SEMA6D: variants seen among roughly 807,000 people sequenced by gnomAD.
The protein encoded by SEMA6D is semaphorin 6D.
Under a neutral mutation model 106.6 loss-of-function variants are expected in SEMA6D, and 35 were observed. That is an observed-to-expected ratio of 0.33 (90% CI 0.25 to 0.44). The LOEUF (loss-of-function observed/expected upper bound fraction) is 0.44, where lower values mean the gene tolerates loss of function less well. Ranked by LOEUF, SEMA6D falls within the 20% of genes least tolerant of loss-of-function variation. SEMA6D has a pLI of 1.00. For missense variants in SEMA6D, 1,185 were observed against 1,345.9 expected (o/e 0.88, Z 1.87); for synonymous variants, 499 against 487.7 (o/e 1.02, Z -0.31).
intron 1 of SEMA6D, among the ~76,000 whole-genome samples, chr15:47,744,463 A>T (rs2081003373): frequency 6.6e-6 from 1 of 152,068 alleles, no homozygotes; most frequent in African/African-American, 2.4e-5. Context: ...TAAAAAAGAT[A>T]TTGGACATGA....
chr15:47,468,677 A>G (rs74503024), intron 2 of SEMA6D, among the ~76,000 whole-genome samples: 3,096 of 152,290 alleles, frequency 0.02, 113 homozygotes, highest in African/African-American at 0.071. Context: ...AGGCTGTGCA[A>G]TTATTAAAGC....
intron 1 of SEMA6D, chr15:47,393,219 A>T (rs962950): frequency 0.4 from 61,576 of 152,080 alleles, 13,372 homozygotes; most frequent in African/African-American, 0.58. Flanking sequence ...CATCAAAAAA[A>T]TAAATTGAAA....
chr15:47,313,556 A>C (rs1566990614), intron 1 of SEMA6D, among the ~76,000 whole-genome samples: 1 of 152,088 alleles, frequency 6.6e-6, no homozygotes, highest in African/African-American at 2.4e-5. Context: ...TTTAGCAATT[A>C]TGTTTGTTTG....
intron 3 of SEMA6D, among the ~76,000 whole-genome samples, chr15:47,473,408 G>A (rs1475243049): frequency 6.6e-6 from 1 of 152,102 alleles, no homozygotes; most frequent in African/African-American, 2.4e-5. Flanking sequence ...TGAGCCAAGA[G>A]ACACCAAGGC....
At chr15:47,410,835 A>T (rs1468581530) in intron 1 of SEMA6D, among the ~76,000 whole-genome samples, 1 of 152,222 alleles carries the variant, frequency 6.6e-6, no homozygotes, top group East Asian at 1.9e-4. Context: ...TCAGTCTTTA[A>T]CAAAACTGAC....
At chr15:47,191,229 G>A (rs1893940782) in intron 1 of SEMA6D, among the ~76,000 whole-genome samples, 1 of 152,000 alleles carries the variant, frequency 6.6e-6, no homozygotes, top group South Asian at 2.1e-4. Context: ...GCTTGTGTTT[G>A]TGGTGTGTTT....
intron 1 of SEMA6D, among the ~76,000 whole-genome samples, chr15:47,741,591 C>G (rs1314950459): frequency 6.6e-6 from 1 of 152,116 alleles, no homozygotes; most frequent in African/African-American, 2.4e-5. Context: ...TGGCACATGC[C>G]TGTAATCCCA....
At chr15:47,328,920 A>G (rs2037234369) in intron 1 of SEMA6D, among the ~76,000 whole-genome samples, 1 of 152,200 alleles carries the variant, frequency 6.6e-6, no homozygotes, top group East Asian at 1.9e-4. Flanking sequence ...ATTGGAGTAG[A>G]CTTTCATCAA....
At chr15:47,658,679 G>T (rs1566966328) in intron 4 of SEMA6D, among the ~76,000 whole-genome samples, 1 of 152,130 alleles carries the variant, frequency 6.6e-6, no homozygotes, top group Non-Finnish European at 1.5e-5. Flanking sequence ...TGTCTGTTAT[G>T]ATATCTTACA....
At chr15:47,357,630 T>C (rs2038638309) in intron 1 of SEMA6D, among the ~76,000 whole-genome samples, 1 of 152,092 alleles carries the variant, frequency 6.6e-6, no homozygotes, top group South Asian at 2.1e-4. Context: ...CTTTTCACAT[T>C]CTTCTGCCTG....
chr15:47,297,658 C>G (rs1404621374), intron 1 of SEMA6D, among the ~76,000 whole-genome samples: 1 of 151,976 alleles, frequency 6.6e-6, no homozygotes, highest in Non-Finnish European at 1.5e-5. Context: ...ACGGTTATTA[C>G]AAAATAAGGA....
At chr15:47,368,433 C>G (rs2039141471) in intron 1 of SEMA6D, among the ~76,000 whole-genome samples, 1 of 152,242 alleles carries the variant, frequency 6.6e-6, no homozygotes, top group African/African-American at 2.4e-5. Flanking sequence ...TATCTTTTGC[C>G]TTTTCACAGA....
At chr15:47,218,206 T>G (rs2030849187) in intron 1 of SEMA6D, among the ~76,000 whole-genome samples, 1 of 152,184 alleles carries the variant, frequency 6.6e-6, no homozygotes, top group Non-Finnish European at 1.5e-5. Context: ...AAAACAATTA[T>G]GCACATAGTT....
At chr15:47,501,314 G>A (rs1231749478) in intron 3 of SEMA6D, among the ~76,000 whole-genome samples, 2 of 151,840 alleles carry the variant, frequency 1.3e-5, no homozygotes, top group African/African-American at 4.8e-5. Context: ...TCCCTTCCTC[G>A]TCTAATGAGT....
intron 1 of SEMA6D, among the ~76,000 whole-genome samples, chr15:47,405,589 A>AAGACCTTG (rs2040537079): frequency 2.0e-5 from 3 of 152,156 alleles, no homozygotes; most frequent in Admixed American, 1.3e-4. Flanking sequence ...TTCCCATAGC[A>AAGACCTTG]ACAAAATTAG....
intron 1 of SEMA6D, among the ~76,000 whole-genome samples, chr15:47,198,717 A>T (rs2141041360): frequency 6.6e-6 from 1 of 152,268 alleles, no homozygotes; most frequent in African/African-American, 2.4e-5. Context: ...TAAGCAAGAG[A>T]ACCAGGATTC....
chr15:47,220,005 A>G (rs1317204333), intron 1 of SEMA6D, among the ~76,000 whole-genome samples: 2 of 152,172 alleles, frequency 1.3e-5, no homozygotes, highest in Non-Finnish European at 2.9e-5. Context: ...AGGTTTGTTC[A>G]TGGCAGCTGG....
chr15:47,407,784 T>C (rs916991791), intron 1 of SEMA6D, among the ~76,000 whole-genome samples: 1 of 152,194 alleles, frequency 6.6e-6, no homozygotes, highest in Admixed American at 6.5e-5. Context: ...GACTTAAAGA[T>C]TTAGCATGAT....
chr15:47,314,916 A>G (rs1425674955), intron 1 of SEMA6D, among the ~76,000 whole-genome samples: 2 of 120,356 alleles, frequency 1.7e-5, no homozygotes, highest in Non-Finnish European at 3.2e-5. Context: ...CCCAGGCGAG[A>G]GTGCAGTGGC....
Sources: allele counts gnomAD v4.1 joint callset (sites outside exome capture counted in the v4.1 genomes callset), GRCh38; gene constraint gnomAD v4.1.1; transcripts MANE v1.5; gene names NCBI Gene and HGNC (gene_info 2026-07-23, HGNC 2026-07-21).